The following PALB2 variants were observed in gnomAD, a reference collection of about 807,000 sequenced individuals.
PALB2 encodes the protein mutant partner and localizer of BRCA2.
In PALB2, 82 loss-of-function variants were observed where a neutral mutation model predicts 107.4. The observed-to-expected ratio is 0.76, with a 90% confidence interval of 0.64 to 0.92. The LOEUF is 0.92. PALB2 is among the 40% of genes least tolerant of loss of function. The pLI, the probability that PALB2 is intolerant of heterozygous loss-of-function variation, is 0.00. For synonymous variants in PALB2, 489 were observed against 496.8 expected (o/e 0.98, Z 0.21); for missense variants, 1,374 against 1,379.9 (o/e 1.00, Z 0.07).
In PALB2 at chr16:23,636,263, T is replaced by C. The variant is rs1597099704; in HGVS notation, c.283A>G (p.Lys95Glu). The C allele has an allele frequency of 1.2e-6, 2 of 1,613,866 alleles. No homozygotes were observed. Among genetic ancestry groups the C allele is most frequent in the African/African-American group, 1.3e-5 (1 of 74,992 alleles). Residue 95 changes from lysine to glutamate, a missense_variant, in exon 4 of 13, where the codon AAG becomes GAG. Lys to Glu is a moderately conservative substitution (Grantham distance 56). Transcript: ENST00000261584. ...CCAACATCAAGTGTGATAGATGTCT[T>C]TTCTCCAGTTTCTTCATCAAGATGG... ...KTHLDEETGE[K>E]TSITLDVGPE...
intron 10 of PALB2, among the ~76,000 whole-genome samples, chr16:23,615,864 A>G (rs1160505946): frequency 6.6e-6 from 1 of 151,940 alleles, no homozygotes; most frequent in Admixed American, 6.6e-5. Flanking sequence ...GGGGTACACC[A>G]TGTCGGCCAG....
intron 7 of PALB2, among the ~76,000 whole-genome samples, chr16:23,624,589 T>C (rs566709609): frequency 3.3e-5 from 5 of 152,290 alleles, no homozygotes; most frequent in African/African-American, 4.8e-5. Flanking sequence ...TCTCAGCTCA[T>C]TGCAACTTCC....
At chr16:23,628,316 G>C (rs973009260) in intron 6 of PALB2, among the ~76,000 whole-genome samples, 1 of 152,192 alleles carries the variant, frequency 6.6e-6, no homozygotes, top group African/African-American at 2.4e-5. Flanking sequence ...TTATAGAAAA[G>C]GAATCTGGGG....
chr16:23,629,620 A>G lies in PALB2; in HGVS notation c.2514+20T>C, dbSNP rs1555460289. Reference sequence around the variant, plus strand: ...ATTTCATTCCTTCAGAGAAAATTTCACAGAGGAAATGGATTGTACCTGTTC... The same window carrying G: ...ATTTCATTCCTTCAGAGAAAATTTCGCAGAGGAAATGGATTGTACCTGTTC... On this transcript the variant is annotated intron_variant, in intron 5 of 12. Transcript: ENST00000261584. 1 of 1,609,630 alleles carries G rather than the reference A, an allele frequency of 6.2e-7. No individual in the cohort carries two copies. Among genetic ancestry groups the G allele is most frequent in the Non-Finnish European group, 8.5e-7 (1 of 1,176,650 alleles).
chr16:23,619,432 C>CTGCCTCCTAGGTTCCT (rs1966735871), intron 10 of PALB2, among the ~76,000 whole-genome samples: 2 of 152,072 alleles, frequency 1.3e-5, no homozygotes, highest in African/African-American at 2.4e-5. Context: ...ACTGCAACCT[C>CTGCCTCCTAGGTTCCT]TGCCTCCTAG....
At chr16:23,613,371 C>T (rs922041296) in intron 11 of PALB2, among the ~76,000 whole-genome samples, 1 of 152,138 alleles carries the variant, frequency 6.6e-6, no homozygotes, top group Admixed American at 6.6e-5. Flanking sequence ...TAGCTGGGCA[C>T]TGTGGCTCAC....
intron 12 of PALB2, among the ~76,000 whole-genome samples, chr16:23,604,321 T>C (rs1445258617): frequency 1.3e-5 from 2 of 152,172 alleles, no homozygotes; most frequent in Admixed American, 6.5e-5. Flanking sequence ...AAGTAAGAGC[T>C]GTGCAACCCT....
At chr16:23,639,704 C>T (rs1273741566) in intron 1 of PALB2, among the ~76,000 whole-genome samples, 1 of 148,522 alleles carries the variant, frequency 6.7e-6, no homozygotes, top group African/African-American at 2.5e-5. Flanking sequence ...TCTGTAATCC[C>T]AACTACTCGG....
chr16:23,641,069 G>T, intron 1 of PALB2, 41 bp downstream of exon 1: 1 of 1,607,892 alleles, frequency 6.2e-7, no homozygotes, highest in Non-Finnish European at 8.5e-7. Flanking sequence ...TGGGAAAGCG[G>T]GGTCAGAGTC....
At chr16:23,623,892 C>G in intron 8 of PALB2, 117 bp downstream of exon 8, 2 of 720,382 alleles carry the variant, frequency 2.8e-6, no homozygotes, top group East Asian at 5.4e-5. Context: ...AAATCTCTCT[C>G]TCTTTAGATC....
intron 7 of PALB2, among the ~76,000 whole-genome samples, chr16:23,624,984 T>C (rs958642406): frequency 6.6e-6 from 1 of 152,112 alleles, no homozygotes; most frequent in Admixed American, 6.6e-5. Flanking sequence ...TATCAGCAAG[T>C]GTCAAAGTCA....
chr16:23,605,172 T>C (rs1187114259), intron 12 of PALB2, among the ~76,000 whole-genome samples: 2 of 152,188 alleles, frequency 1.3e-5, no homozygotes, highest in Non-Finnish European at 2.9e-5. Context: ...AACTGCATGA[T>C]ACTTTTTATC....
chr16:23,634,995 T>C lies in PALB2; in HGVS notation c.1551A>G (p.Lys517=), dbSNP rs755845383. The change falls in exon 4 of 13, where the codon AAA becomes AAG. Residue 517 remains lysine, a synonymous_variant. Coordinates refer to ENST00000261584, the MANE Select transcript of PALB2 (RefSeq NM_024675.4). The part of the protein sequence containing the change: ...APGRRYTGKR[K]SACTPASDHC... The stretch of plus-strand genomic sequence containing the variant: ...GATCTGATGCTGGGGTGCAGGCTGA[T>C]TTTCTTTTTCCTGTGTATCTTCTAC... The C allele has an allele frequency of 1.2e-6, 2 of 1,614,156 alleles. No individual in the cohort carries two copies. The highest frequency in any genetic ancestry group is 1.7e-6 in the Non-Finnish European group (2 of 1,180,044).
At chr16:23,615,607 T>C (rs1289868814) in intron 10 of PALB2, among the ~76,000 whole-genome samples, 1 of 151,892 alleles carries the variant, frequency 6.6e-6, no homozygotes, top group African/African-American at 2.4e-5. Context: ...ACCTGGTTCA[T>C]GTTACTCTGT....
At chr16:23,608,799 T>TACACACACACACACACACAC (rs1309453906) in intron 11 of PALB2, among the ~76,000 whole-genome samples, 149 of 115,108 alleles carry the variant, frequency 1.3e-3, no homozygotes, top group African/African-American at 4.8e-3. Context: ...TGTGTATATA[T>TACACACACACACACACACAC]ATACACACAC....
chr16:23,627,369 C>T (rs1450284389), intron 6 of PALB2, among the ~76,000 whole-genome samples: 5 of 151,642 alleles, frequency 3.3e-5, no homozygotes, highest in African/African-American at 1.2e-4. Context: ...CGCCTGTAGT[C>T]CCAGCTACTC....
rs2142298948 is a variant in PALB2 at position 23,614,025 on chromosome 16, A to T, written c.3180T>A (p.Cys1060Ter). The change falls in exon 11 of 13, where the codon TGT (cysteine) becomes TGA (stop). Residue 1060 changes from cysteine to a stop codon, truncating the protein, a stop_gained. Coordinates refer to ENST00000261584, the MANE Select transcript of PALB2 (RefSeq NM_024675.4). LOFTEE classifies it high-confidence loss of function. ...TTACCATTTCAGAATAGGCTTTGTG[A>T]CAGACTGAAGCTTGGTAAGAATCAT... ...HIDDSYQASV[C>*]HKAYSEMGLL... 1.2e-6 allele frequency: 2 copies of T among 1,613,398 alleles called. No individual in the cohort carries two copies. The highest frequency in any genetic ancestry group is 2.7e-5 in the African/African-American group (2 of 75,048).
At chr16:23,640,967 T>C in intron 1 of PALB2, 143 bp downstream of exon 1, 1 of 917,240 alleles carries the variant, frequency 1.1e-6, no homozygotes, top group South Asian at 1.7e-5. Context: ...ACATTTTCAT[T>C]TTCTGTGCCC....
chr16:23,617,267 GA>G (rs1383164463), intron 10 of PALB2, among the ~76,000 whole-genome samples: 3 of 152,188 alleles, frequency 2.0e-5, no homozygotes, highest in Non-Finnish European at 2.9e-5. Context: ...GAGCCCAAAA[GA>G]TAAGTAACAG....
Sources: allele counts gnomAD v4.1 joint callset (sites outside exome capture counted in the v4.1 genomes callset), GRCh38; gene constraint gnomAD v4.1.1; transcripts MANE v1.5; gene names NCBI Gene and HGNC (gene_info 2026-07-23, HGNC 2026-07-21).